Variants in ABCA9 observed in about 807,000 individuals in gnomAD.
ABCA9 encodes ATP binding cassette subfamily A member 9.
ABCA9 carries 183 observed loss-of-function variants against 205.3 expected under a neutral mutation model. The ratio of observed to expected loss-of-function variants is 0.89; its 90% CI spans 0.79 to 1.01. The LOEUF is 1.01. ABCA9 is among the 50% of genes least tolerant of loss of function. ABCA9 has a pLI of 0.00. For missense variants in ABCA9, 1,805 were observed against 1,912.4 expected, an observed-to-expected ratio of 0.94 and a Z score of 1.05; for synonymous variants, 651 against 683.3, an observed-to-expected ratio of 0.95 and a Z score of 0.74.
At chr17:69,067,010 A>G in the ABCA9 span, among the ~76,000 whole-genome samples, 2 of 152,332 alleles carry the variant, frequency 1.3e-5, no homozygotes, top group East Asian at 3.9e-4. Context: ...GAAACTGATA[A>G]ATAGTGAGTG....
chr17:69,003,745 T>G (rs2069984421), intron 25 of ABCA9, among the ~76,000 whole-genome samples: 1 of 151,924 alleles, frequency 6.6e-6, no homozygotes, highest in South Asian at 2.1e-4. Context: ...CCCATCACTT[T>G]CAGGTACACC....
At chr17:69,010,108 G>A (rs765937948) in intron 23 of ABCA9, among the ~76,000 whole-genome samples, 16 of 150,672 alleles carry the variant, frequency 1.1e-4, no homozygotes, top group Admixed American at 6.6e-4. Context: ...AACGAAGTAC[G>A]TAAAATTTAG....
In ABCA9 at chr17:69,043,682, T is replaced by C; in HGVS notation, c.607A>G (p.Met203Val). ...TTCATATGTACACCAGTAACTGACA[T>C]CAGCTGTTCCATCACTGAATGATTT... ...ATNHSVMEQL[M>V]SVTGVHMKIL... is the part of the protein sequence containing the mutation. Residue 203 changes from methionine to valine, a missense_variant, in exon 6 of 39, where the codon ATG becomes GTG. Coordinates refer to ENST00000340001, the MANE Select transcript of ABCA9 (RefSeq NM_080283.4). 6.2e-7 allele frequency: 1 copy of C among 1,608,888 alleles called. No individual in the cohort carries two copies.
rs781565554 is a variant in ABCA9, at chr17:69,036,871, C to CAAAAAAAAAAAAAAAAAAA, written c.801-1089_801-1071dup. 1.3e-3 allele frequency among the ~76,000 whole-genome samples: 6 copies of CAAAAAAAAAAAAAAAAAAA among 4,712 alleles called. 3 individuals are homozygous for CAAAAAAAAAAAAAAAAAAA. Among genetic ancestry groups the CAAAAAAAAAAAAAAAAAAA allele is most frequent in the East Asian group, 0.029 (2 of 68 alleles). The allele number at this position is 4,712 out of a possible 152,430, so 3.1% of individuals were successfully genotyped here. On this transcript the variant is annotated intron_variant, in intron 6 of 38. Coordinates refer to ENST00000340001, the MANE Select transcript of ABCA9 (RefSeq NM_080283.4). The stretch of plus-strand genomic sequence containing the variant: ...GAATATTTACCAAGTAAATGGAAAG[C>CAAAAAAAAAAAAAAAAAAA]AAAAAAAAAAAAAAAAAAAAAAAAA...
intron 30 of ABCA9, 156 bp from the exon 31 acceptor site, chr17:68,989,274 A>T (rs942758614): frequency 1.2e-4 from 64 of 512,530 alleles, no homozygotes; most frequent in Non-Finnish European, 1.6e-4. Flanking sequence ...ACACACACAC[A>T]CACACACACA....
intron 35 of ABCA9, 29 bp from the exon 36 acceptor site, chr17:68,983,878 C>A: frequency 1.2e-6 from 2 of 1,613,610 alleles, no homozygotes; most frequent in South Asian, 2.2e-5. Context: ...TAAAGTCAAG[C>A]AAGAAAAGAG....
At chr17:68,983,907 A>T in intron 35 of ABCA9, 58 bp from the exon 36 acceptor site, 1 of 1,610,890 alleles carries the variant, frequency 6.2e-7, no homozygotes, top group Non-Finnish European at 8.5e-7. Flanking sequence ...ATGGCTTGTG[A>T]TGTTCAGCCT....
intron 26 of ABCA9, 88 bp downstream of exon 26, chr17:68,995,807 A>T: frequency 6.6e-7 from 1 of 1,514,598 alleles, no homozygotes; most frequent in South Asian, 1.2e-5. Flanking sequence ...TGCACAGCTG[A>T]GGACTCTATC....
chr17:69,061,135 A>G, upstream of ABCA9: 9 of 985,330 alleles, frequency 9.1e-6, no homozygotes, highest in Non-Finnish European at 9.6e-6. Flanking sequence ...GGGAGTTTGT[A>G]GTTGCAGATG....
intron 18 of ABCA9, 86 bp downstream of exon 18, chr17:69,021,656 A>T: frequency 1.1e-6 from 1 of 913,854 alleles, no homozygotes; most frequent in Non-Finnish European, 1.6e-6. Context: ...AATACTGCAC[A>T]CAAAGATAAA....
intron 23 of ABCA9, among the ~76,000 whole-genome samples, chr17:69,008,849 T>C (rs1265880241): frequency 6.6e-6 from 1 of 152,236 alleles, no homozygotes; most frequent in Non-Finnish European, 1.5e-5. Flanking sequence ...ATTGCAGTGA[T>C]TGTCATAACA....
the ABCA9 span, among the ~76,000 whole-genome samples, chr17:69,076,796 A>C: frequency 6.6e-6 from 1 of 152,098 alleles, no homozygotes; most frequent in East Asian, 1.9e-4. Flanking sequence ...GTTTGTGTGC[A>C]TAGAGGTGTT....
intron 25 of ABCA9, among the ~76,000 whole-genome samples, chr17:69,006,095 T>A (rs1410823819): frequency 6.6e-6 from 1 of 152,244 alleles, no homozygotes; most frequent in Non-Finnish European, 1.5e-5. Flanking sequence ...TCTTTTCTTC[T>A]TATTTTCTAA....
chr17:68,994,842 A>C (rs778190011), intron 26 of ABCA9, among the ~76,000 whole-genome samples: 1 of 152,082 alleles, frequency 6.6e-6, no homozygotes, highest in Non-Finnish European at 1.5e-5. Context: ...GGTAACCTCT[A>C]TCTCTCTTTT....
chr17:69,000,435 A>G (rs1486574563), intron 25 of ABCA9, among the ~76,000 whole-genome samples: 1 of 152,202 alleles, frequency 6.6e-6, no homozygotes, highest in Non-Finnish European at 1.5e-5. Context: ...TCAGATAGTT[A>G]TAGATAAGCG....
intron 4 of ABCA9, 128 bp from the exon 5 acceptor site, chr17:69,044,728 A>G: frequency 1.4e-6 from 1 of 716,208 alleles, no homozygotes; most frequent in East Asian, 2.8e-5. Flanking sequence ...TTCTCAGTTG[A>G]GAGTTGCAGA....
intron 37 of ABCA9, among the ~76,000 whole-genome samples, chr17:68,978,396 C>T (rs1436483993): frequency 2.6e-5 from 4 of 152,118 alleles, no homozygotes; most frequent in African/African-American, 4.8e-5. Context: ...GAATACAGCA[C>T]ACTGATGGGT....
At chr17:69,070,247 A>C in the ABCA9 span, among the ~76,000 whole-genome samples, 1 of 152,194 alleles carries the variant, frequency 6.6e-6, no homozygotes, top group East Asian at 1.9e-4. Context: ...TAAAGCATAA[A>C]TATAAATGAT....
chr17:69,072,635 CA>C, the ABCA9 span, among the ~76,000 whole-genome samples: 79,112 of 140,344 alleles, frequency 0.56, 22,198 homozygotes, highest in Non-Finnish European at 0.66. Flanking sequence ...CCAGCCACTG[CA>C]AAAAAAAAAA....
Sources: gnomAD v4.1 joint callset for allele counts (sites outside exome capture counted in the v4.1 genomes callset) on GRCh38, gnomAD v4.1.1 for gene constraint, MANE v1.5 for transcripts, NCBI Gene and HGNC (gene_info 2026-07-23, HGNC 2026-07-21) for gene names.